Variants in MLIP observed in about 807,000 individuals in gnomAD.
MLIP encodes the protein muscular LMNA-interacting protein.
In MLIP, 79 loss-of-function variants were observed where a neutral mutation model predicts 84.8. The ratio of observed to expected loss-of-function variants is 0.93; its 90% confidence interval spans 0.78 to 1.12. MLIP has a LOEUF of 1.12. MLIP is among the 50% of genes most tolerant of loss of function. The pLI, the probability that MLIP is intolerant of heterozygous loss-of-function variation, is 0.00. For missense variants in MLIP, 1,257 were observed against 1,160.6 expected, an observed-to-expected ratio of 1.08 and a Z score of -1.21; for synonymous variants, 504 against 463.0, an observed-to-expected ratio of 1.09 and a Z score of -1.14.
At chr6:54,146,380 A>C (rs956162548) in intron 4 of MLIP, among the ~76,000 whole-genome samples, 2 of 152,236 alleles carry the variant, frequency 1.3e-5, no homozygotes, top group African/African-American at 4.8e-5. Flanking sequence ...TATAATTTTA[A>C]GGAATATTAT....
At chr6:54,216,405 C>G in intron 11 of MLIP, 3 of 985,274 alleles carry the variant, frequency 3.0e-6, no homozygotes, top group Non-Finnish European at 2.4e-6. Flanking sequence ...AAACATAAAA[C>G]TCAGCATTGT....
intron 1 of MLIP, among the ~76,000 whole-genome samples, chr6:54,024,500 A>G (rs4715436): frequency 0.99 from 150,959 of 152,286 alleles, 74,836 homozygotes; most frequent in Middle Eastern, 1. Context: ...CTATTGGATG[A>G]CAATGTACTC....
chr6:54,245,797 A>T (rs1782040361), intron 12 of MLIP, among the ~76,000 whole-genome samples: 1 of 152,076 alleles, frequency 6.6e-6, no homozygotes, highest in Non-Finnish European at 1.5e-5. Context: ...GCCGTAATGT[A>T]TTTTGTGATC....
intron 8 of MLIP, 42 bp downstream of exon 8, chr6:54,160,841 A>T: frequency 6.6e-7 from 1 of 1,525,902 alleles, no homozygotes; most frequent in Non-Finnish European, 9.0e-7. Context: ...CATAAGATTT[A>T]TTAGATCAAT....
chr6:54,195,216 G>A (rs1227140926), intron 10 of MLIP, among the ~76,000 whole-genome samples: 1 of 151,974 alleles, frequency 6.6e-6, no homozygotes, highest in African/African-American at 2.4e-5. Flanking sequence ...AAAATTAGTA[G>A]AATTTCCAGC....
intron 1 of MLIP, chr6:54,047,064 A>G (rs1218288144): frequency 6.6e-6 from 1 of 152,220 alleles, no homozygotes. Flanking sequence ...TGACCAAGAT[A>G]TTAATGATCC....
At chr6:54,050,489 T>C (rs1765314497) in intron 1 of MLIP, among the ~76,000 whole-genome samples, 1 of 152,184 alleles carries the variant, frequency 6.6e-6, no homozygotes, top group Admixed American at 6.6e-5. Flanking sequence ...TTAAATATTC[T>C]TCACAATGTT....
At chr6:54,171,440 A>G (rs1331747186) in intron 9 of MLIP, among the ~76,000 whole-genome samples, 2 of 151,626 alleles carry the variant, frequency 1.3e-5, no homozygotes, top group Non-Finnish European at 3.0e-5. Flanking sequence ...TGTGGCCACT[A>G]AAACACGTCC....
rs1334812852 is a variant in MLIP, at chr6:54,122,409, A to T, written c.252+807A>T. ...AAATTACACAAATTTAAAAATCTTG[A>T]AAATAACTTGTGTTAGAATAACAAA... is the stretch of plus-strand genomic sequence containing the variant. On this transcript the variant is annotated intron_variant, in intron 2 of 13. Coordinates refer to ENST00000502396, the MANE Select transcript of MLIP (RefSeq NM_001281747.2). 2.6e-5 allele frequency among the ~76,000 whole-genome samples: 4 copies of T among 152,192 alleles called. No homozygotes were observed. In the East Asian group the frequency reaches 7.7e-4, roughly 29 times the overall value.
In MLIP at chr6:54,172,707, G is replaced by GA. The variant is rs1212775109; in HGVS notation, c.2544+3146dup. On this transcript the variant is annotated intron_variant, in intron 9 of 13. Transcript: ENST00000502396. ...CTTTGTTGAAAGACTGACTTCTCTG[G>GA]AAAAAAAAAAAGAAAAAAATAAACA... is the stretch of plus-strand genomic sequence containing the variant. Among the ~76,000 whole-genome samples the GA allele has an allele frequency of 5.0e-3, 691 of 138,248 alleles. 1 individual carries two copies. Among genetic ancestry groups the GA allele is most frequent in the Non-Finnish European group, 6.4e-3 (402 of 63,020 alleles). 90.7% of individuals were successfully genotyped at this position (138,248 alleles called of 152,430 possible).
At chr6:54,108,527 T>C (rs1246470551), upstream of MLIP, among the ~76,000 whole-genome samples, 1 of 152,350 alleles carries the variant, frequency 6.6e-6, no homozygotes, top group South Asian at 2.1e-4. Context: ...GGCTGAAGCA[T>C]GCTGTTATAA....
intron 1 of MLIP, among the ~76,000 whole-genome samples, chr6:54,060,966 G>C (rs1264451464): frequency 6.7e-6 from 1 of 149,946 alleles, no homozygotes; most frequent in Non-Finnish European, 1.5e-5. Context: ...CATGACAGAG[G>C]TTTCAAGTTT....
At chr6:54,171,091 C>T (rs1035337077) in intron 9 of MLIP, among the ~76,000 whole-genome samples, 1 of 151,674 alleles carries the variant, frequency 6.6e-6, no homozygotes, top group South Asian at 2.1e-4. Context: ...GGGTTGATGT[C>T]ATTATCCATT....
chr6:54,212,550 T>C (rs1779533610), intron 11 of MLIP, among the ~76,000 whole-genome samples: 1 of 152,178 alleles, frequency 6.6e-6, no homozygotes, highest in African/African-American at 2.4e-5. Context: ...TGCCTGTGTG[T>C]GTGCGCCTGT....
rs1399630477 is a variant in MLIP at position 54,067,633 on chromosome 6, A to G, written c.63+48542A>G. Among the ~76,000 whole-genome samples, 4 of 101,326 alleles carry G rather than the reference A, an allele frequency of 3.9e-5. 2 individuals are homozygous for G. The highest frequency in any genetic ancestry group is 1.1e-4 in the Non-Finnish European group (4 of 35,180). 66.5% of individuals were successfully genotyped at this position (101,326 alleles called of 152,430 possible). On this transcript the variant is annotated intron_variant, in intron 1 of 12. Coordinates refer to the MLIP transcript ENST00000274897. ...TTTACTGCTCTCTTCTAAACAGGCA[A>G]TCAGCATTTTGAGATTCTCTTAGGT...
At chr6:54,170,638 T>A (rs1775672225) in intron 9 of MLIP, among the ~76,000 whole-genome samples, 1 of 151,570 alleles carries the variant, frequency 6.6e-6, no homozygotes, top group Non-Finnish European at 1.5e-5. Context: ...CTGGGAAAAT[T>A]ACTCACCATT....
At chr6:54,185,798 A>G (rs1322907543) in intron 9 of MLIP, among the ~76,000 whole-genome samples, 1 of 152,228 alleles carries the variant, frequency 6.6e-6, no homozygotes, top group Non-Finnish European at 1.5e-5. Flanking sequence ...TAAATGGTAT[A>G]AAACCTAAGA....
At chr6:54,221,154 T>A (rs1253993099) in intron 11 of MLIP, among the ~76,000 whole-genome samples, 4 of 152,266 alleles carry the variant, frequency 2.6e-5, no homozygotes, top group African/African-American at 9.6e-5. Context: ...ACAGACAAGT[T>A]GCCATGGAAA....
intron 10 of MLIP, among the ~76,000 whole-genome samples, chr6:54,193,794 T>G (rs1206443784): frequency 3.3e-5 from 5 of 152,138 alleles, no homozygotes; most frequent in Admixed American, 1.3e-4. Flanking sequence ...AGGAAAGATC[T>G]AGGGTCTGCG....
Sources: gnomAD v4.1 joint callset for allele counts (sites outside exome capture counted in the v4.1 genomes callset) on GRCh38, gnomAD v4.1.1 for gene constraint, MANE v1.5 for transcripts, NCBI Gene and HGNC (gene_info 2026-07-23, HGNC 2026-07-21) for gene names.